MYT1L: variants seen among roughly 807,000 people sequenced by gnomAD.
MYT1L encodes the protein myelin transcription factor 1-like protein.
A neutral mutation model predicts 126.7 loss-of-function variants in MYT1L; 12 were observed. The ratio of observed to expected loss-of-function variants is 0.09; its 90% CI spans 0.06 to 0.15. The LOEUF (loss-of-function observed/expected upper bound fraction) is 0.15, where lower values mean the gene tolerates loss of function less well. Ranked by LOEUF, MYT1L falls within the 10% of genes least tolerant of loss-of-function variation. The pLI, the probability that MYT1L is intolerant of heterozygous loss-of-function variation, is 1.00. For synonymous variants in MYT1L, 541 were observed against 604.2 expected, an observed-to-expected ratio of 0.90 and a Z score of 1.53; for missense variants, 979 against 1,585.2, an observed-to-expected ratio of 0.62 and a Z score of 6.49.
chr2:2,005,570 T>C (rs2149711376), intron 4 of MYT1L, among the ~76,000 whole-genome samples: 1 of 151,656 alleles, frequency 6.6e-6, no homozygotes, highest in African/African-American at 2.4e-5. Flanking sequence ...TTGCCTTCTT[T>C]CCTGCATGCA....
intron 8 of MYT1L, among the ~76,000 whole-genome samples, chr2:1,965,554 C>T (rs565099272): frequency 2.0e-5 from 3 of 152,354 alleles, no homozygotes; most frequent in Admixed American, 2.0e-4. Context: ...TGGAGTTTAT[C>T]AGGGATGGGG....
At chr2:2,268,234 A>C (rs558459062) in intron 2 of MYT1L, among the ~76,000 whole-genome samples, 11 of 152,208 alleles carry the variant, frequency 7.2e-5, no homozygotes, top group Non-Finnish European at 1.0e-4. Flanking sequence ...ATGAGGGCTA[A>C]TGAAAAGTAT....
intron 11 of MYT1L, among the ~76,000 whole-genome samples, chr2:1,914,686 G>A (rs1183626384): frequency 5.9e-5 from 9 of 152,048 alleles, no homozygotes; most frequent in Non-Finnish European, 8.8e-5. Context: ...ACAGATTATC[G>A]GCCCTGGCGT....
chr2:1,845,650 A>C (rs1051502737), intron 19 of MYT1L, among the ~76,000 whole-genome samples: 2 of 152,040 alleles, frequency 1.3e-5, no homozygotes, highest in Admixed American at 1.3e-4. Context: ...TGCGCTTTTG[A>C]CACCTGCCGT....
At chr2:2,277,374 G>A (rs1239763743) in intron 2 of MYT1L, among the ~76,000 whole-genome samples, 3 of 152,220 alleles carry the variant, frequency 2.0e-5, no homozygotes, top group Non-Finnish European at 4.4e-5. Flanking sequence ...GTGACCTTGT[G>A]GAAAACCACT....
At chr2:2,210,761 A>G (rs1370815014) in intron 2 of MYT1L, among the ~76,000 whole-genome samples, 2 of 152,186 alleles carry the variant, frequency 1.3e-5, no homozygotes, top group African/African-American at 4.8e-5. Flanking sequence ...TATTTATGTG[A>G]AAAATGCCAT....
chr2:2,327,074 T>C (rs1331523172), intron 1 of MYT1L: 1 of 152,094 alleles, frequency 6.6e-6, no homozygotes, highest in Non-Finnish European at 1.5e-5. Context: ...TAATCTAATA[T>C]CAGAAAAAAT....
chr2:2,138,204 G>C (rs1162182465), intron 3 of MYT1L, among the ~76,000 whole-genome samples: 1 of 151,646 alleles, frequency 6.6e-6, no homozygotes, highest in Non-Finnish European at 1.5e-5. Context: ...ACAGGTGCTG[G>C]AGAGGATGTG....
intron 13 of MYT1L, among the ~76,000 whole-genome samples, chr2:1,905,790 G>A (rs1031011543): frequency 4.6e-5 from 7 of 152,204 alleles, no homozygotes; most frequent in Admixed American, 1.3e-4. Context: ...AGGTACAAAC[G>A]TGTACTGTTT....
intron 4 of MYT1L, among the ~76,000 whole-genome samples, chr2:2,020,740 C>T (rs559022510): frequency 3.3e-5 from 5 of 152,276 alleles, no homozygotes; most frequent in African/African-American, 1.2e-4. Flanking sequence ...GTAATGTCTA[C>T]GTTGTATGTG....
intron 3 of MYT1L, among the ~76,000 whole-genome samples, chr2:2,062,076 G>A (rs981524417): frequency 2.6e-5 from 4 of 152,192 alleles, no homozygotes; most frequent in African/African-American, 9.7e-5. Context: ...GGAACAGGGA[G>A]GTGCACTAAT....
chr2:1,836,681 T>A (rs1225517362), intron 21 of MYT1L, among the ~76,000 whole-genome samples: 1 of 146,530 alleles, frequency 6.8e-6, no homozygotes, highest in Non-Finnish European at 1.5e-5. Context: ...CAAGATTCCA[T>A]CAGCCTGCAC....
intron 3 of MYT1L, among the ~76,000 whole-genome samples, chr2:2,113,709 A>G (rs1297510051): frequency 6.6e-6 from 1 of 152,264 alleles, no homozygotes; most frequent in Non-Finnish European, 1.5e-5. Flanking sequence ...AAAGTTATGA[A>G]AACATTACCG....
chr2:1,856,304 G>A (rs2043907987), intron 18 of MYT1L, among the ~76,000 whole-genome samples: 1 of 152,132 alleles, frequency 6.6e-6, no homozygotes, highest in Admixed American at 6.5e-5. Context: ...CACCACCAAA[G>A]AAACAATCTC....
intron 1 of MYT1L, among the ~76,000 whole-genome samples, chr2:2,314,415 A>G (rs2096028875): frequency 6.6e-6 from 1 of 152,248 alleles, no homozygotes. Flanking sequence ...ATAGTAATAT[A>G]GAAGGCCTGG....
intron 13 of MYT1L, among the ~76,000 whole-genome samples, chr2:1,903,926 CGTGTGTGTGTGT>C (rs140944278): frequency 6.6e-6 from 1 of 150,494 alleles, no homozygotes; most frequent in Non-Finnish European, 1.5e-5. Flanking sequence ...GACACCATGT[CGTGTGTGTGTGT>C]GTGTGTGTGT....
At chr2:1,902,020 T>C (rs529355504) in intron 14 of MYT1L, among the ~76,000 whole-genome samples, 2 of 152,304 alleles carry the variant, frequency 1.3e-5, no homozygotes, top group African/African-American at 2.4e-5. Flanking sequence ...TTCCTTCCCC[T>C]GTGCTAGAGA....
rs960524152 is a variant in MYT1L, at chr2:1,889,326, C to T, written c.2435G>A (p.Gly812Asp). 1 of 1,613,894 alleles carries T rather than the reference C, an allele frequency of 6.2e-7. No homozygotes were observed. The highest frequency in any genetic ancestry group is 8.5e-7 in the Non-Finnish European group (1 of 1,179,894). Residue 812 changes from glycine to aspartate, a missense_variant, in exon 16 of 25, where the codon GGC becomes GAC. Physicochemically the swap from Gly to Asp is moderately conservative, Grantham distance 94. Coordinates refer to ENST00000647738, the MANE Select transcript of MYT1L (RefSeq NM_001303052.2). The surrounding 1 kb of genome is among the most constrained non-coding windows in gnomAD (Gnocchi z 4.1). Reference protein sequence around the residue: ...AVMNNRCFQLGEGDCWDLPVD... With the variant: ...AVMNNRCFQLDEGDCWDLPVD... ...GGGCAAGTCCCAGCAGTCGCCCTCGCCCAGCTGGAAACACCGGTTGTTCAT... is the reference window on the plus strand; with the variant it reads ...GGGCAAGTCCCAGCAGTCGCCCTCGTCCAGCTGGAAACACCGGTTGTTCAT...
chr2:1,816,120 C>T (rs930112832), intron 21 of MYT1L: 4 of 152,372 alleles, frequency 2.6e-5, no homozygotes, highest in Non-Finnish European at 5.9e-5. Flanking sequence ...TATGAACCAC[C>T]ACATTCAGCC....
Sources: allele counts gnomAD v4.1 joint callset (sites outside exome capture counted in the v4.1 genomes callset), GRCh38; gene constraint gnomAD v4.1.1; non-coding constraint Gnocchi (gnomAD v3.1); transcripts MANE v1.5; gene names NCBI Gene and HGNC (gene_info 2026-07-23, HGNC 2026-07-21).